CDC42BPA: variants seen among roughly 807,000 people sequenced by gnomAD.
The protein encoded by CDC42BPA is CDC42 binding protein kinase alpha.
CDC42BPA carries 80 observed loss-of-function variants against 223.5 expected under a neutral mutation model. The observed-to-expected ratio is 0.36, with a 90% CI of 0.30 to 0.43. The LOEUF is 0.43. CDC42BPA is among the 20% of genes least tolerant of loss of function. The pLI, the probability that CDC42BPA is intolerant of heterozygous loss-of-function variation, is 1.00. For missense variants in CDC42BPA, 1,743 were observed against 2,099.9 expected (o/e 0.83, Z 3.32); for synonymous variants, 694 against 718.6 (o/e 0.97, Z 0.55).
At chr1:227,256,944 T>TACAC (rs1683150227) in intron 1 of CDC42BPA, among the ~76,000 whole-genome samples, 1 of 102,714 alleles carries the variant, frequency 9.7e-6, no homozygotes, top group Non-Finnish European at 2.0e-5. Flanking sequence ...GATATATATA[T>TACAC]ACAGACACAC....
rs2148222682 is a variant in CDC42BPA at position 227,249,924 on chromosome 1, TG to T, written c.270+4139del. Among the ~76,000 whole-genome samples the T allele has an allele frequency of 1.3e-5, 2 of 152,312 alleles. 1 individual carries two copies. The highest frequency in any genetic ancestry group is 1.3e-4 in the Admixed American group (2 of 15,294). On this transcript the variant is annotated intron_variant, in intron 2 of 36. Transcript: ENST00000366766. ...GGACTGTAGTCAATAATAATTTAATTGTCCATTCTGAAATAACTAAAAGAGT... is the reference window on the plus strand; with the variant it reads ...GGACTGTAGTCAATAATAATTTAATTTCCATTCTGAAATAACTAAAAGAGT...
At chr1:227,291,671 C>T (rs1689721787) in intron 1 of CDC42BPA, among the ~76,000 whole-genome samples, 1 of 152,212 alleles carries the variant, frequency 6.6e-6, no homozygotes, top group African/African-American at 2.4e-5. Flanking sequence ...GTCTACCCCA[C>T]TTTTGCTCTT....
chr1:227,140,235 C>T (rs1204684800), intron 9 of CDC42BPA, among the ~76,000 whole-genome samples: 1 of 151,742 alleles, frequency 6.6e-6, no homozygotes, highest in Non-Finnish European at 1.5e-5. Context: ...AAATCCTTGC[C>T]CATATAGAGC....
chr1:227,269,230 T>C (rs1685576085), intron 1 of CDC42BPA, among the ~76,000 whole-genome samples: 1 of 152,232 alleles, frequency 6.6e-6, no homozygotes, highest in African/African-American at 2.4e-5. Flanking sequence ...AGATTTGTCT[T>C]GTGTGTCAGT....
At chr1:227,106,589 C>T (rs1449876548) in intron 14 of CDC42BPA, among the ~76,000 whole-genome samples, 2 of 152,074 alleles carry the variant, frequency 1.3e-5, no homozygotes, top group Non-Finnish European at 2.9e-5. Context: ...GTGTTTCCTC[C>T]TCTTCTATTT....
chr1:227,233,028 C>A lies in CDC42BPA; in HGVS notation c.271-19809G>T, dbSNP rs753668047. Among the ~76,000 whole-genome samples the A allele has an allele frequency of 7.2e-5, 11 of 152,272 alleles. 2 individuals are homozygous for A. The highest frequency in any genetic ancestry group is 6.8e-3 in the Middle Eastern group (2 of 294). On this transcript the variant is annotated intron_variant, in intron 2 of 36. Coordinates refer to ENST00000366766, the MANE Select transcript of CDC42BPA (RefSeq NM_001394014.1). ...CTCAGACTGCTGTGCTAGCAGTGAG[C>A]GAGGCTCCATGGGCGTGGGACCCTC...
chr1:227,244,496 G>GA lies in CDC42BPA; in HGVS notation c.270+9567_270+9568insT, dbSNP rs995805778. On this transcript the variant is annotated intron_variant, in intron 2 of 36. Transcript: ENST00000366766. ...CAAGGAAGTGATTATTCACATGGTG[G>GA]GGGGGGGCAATGGGAGCCTATCAGA... Among the ~76,000 whole-genome samples, 4 of 146,430 alleles carry GA rather than the reference G, an allele frequency of 2.7e-5. No homozygotes were observed. The Admixed American group carries it at 2.8e-4, about 10-fold the overall frequency.
intron 1 of CDC42BPA, among the ~76,000 whole-genome samples, chr1:227,293,143 G>T (rs1277714037): frequency 6.6e-6 from 1 of 152,056 alleles, no homozygotes; most frequent in Non-Finnish European, 1.5e-5. Flanking sequence ...TATTTATTGA[G>T]TGCCTACAAT....
intron 5 of CDC42BPA, chr1:227,193,542 T>A (rs111308730): frequency 2.5e-6 from 1 of 406,922 alleles, no homozygotes; most frequent in East Asian, 4.3e-5. Flanking sequence ...TCTATTATTC[T>A]AGGAGTGACA....
chr1:227,136,550 C>G (rs907814648), intron 10 of CDC42BPA, among the ~76,000 whole-genome samples: 2 of 152,190 alleles, frequency 1.3e-5, no homozygotes, highest in Non-Finnish European at 2.9e-5. Flanking sequence ...GAATCTCAAC[C>G]AGGATTTTCT....
chr1:227,240,741 G>C (rs1302369890), intron 2 of CDC42BPA, among the ~76,000 whole-genome samples: 2 of 151,514 alleles, frequency 1.3e-5, no homozygotes, highest in African/African-American at 4.8e-5. Flanking sequence ...ACATGAATTT[G>C]AGATGGATCA....
At chr1:227,083,032 T>G (rs1681041429) in intron 16 of CDC42BPA, among the ~76,000 whole-genome samples, 2 of 152,156 alleles carry the variant, frequency 1.3e-5, no homozygotes, top group Non-Finnish European at 1.5e-5. Context: ...GGGTCTGATT[T>G]CTATTAATTA....
At chr1:227,203,702 C>T (rs1277565409) in intron 3 of CDC42BPA, among the ~76,000 whole-genome samples, 1 of 152,144 alleles carries the variant, frequency 6.6e-6, no homozygotes, top group African/African-American at 2.4e-5. Context: ...ACCAAATGTT[C>T]ATCCAAACAT....
Position 227,193,936 on chromosome 1 carries a change from T to C in CDC42BPA, c.451-2A>G. On this transcript the variant is annotated splice_acceptor_variant, in intron 4 of 36. Coordinates refer to ENST00000366766, the MANE Select transcript of CDC42BPA (RefSeq NM_001394014.1). LOFTEE classifies it high-confidence loss of function. ...AACATAATAATCCATAACCAGGTAC[T>C]GTGAATGAAAAAAATAAAATGTACT... 6.3e-7 allele frequency: 1 copy of C among 1,596,654 alleles called. No individual in the cohort carries two copies. Among genetic ancestry groups the C allele is most frequent in the Non-Finnish European group, 8.5e-7 (1 of 1,172,922 alleles).
intron 35 of CDC42BPA, among the ~76,000 whole-genome samples, chr1:226,999,036 CA>C (rs527238781): frequency 6.6e-6 from 1 of 151,618 alleles, no homozygotes; most frequent in Admixed American, 6.6e-5. Context: ...AAGAAACATA[CA>C]AAAAAAAGCT....
chr1:227,096,220 G>T (rs1031224797), intron 15 of CDC42BPA, among the ~76,000 whole-genome samples: 20 of 152,164 alleles, frequency 1.3e-4, no homozygotes, highest in African/African-American at 4.3e-4. Flanking sequence ...TTATGTTTAG[G>T]AAGCTTTCCT....
At chr1:227,073,801 C>G (rs543163869) in intron 19 of CDC42BPA, 63 bp downstream of exon 19, 1 of 1,301,014 alleles carries the variant, frequency 7.7e-7, no homozygotes, top group African/African-American at 1.5e-5. Flanking sequence ...CATGTAACTT[C>G]TCTCCAAATA....
At chr1:227,129,252 G>A in intron 10 of CDC42BPA, 21 bp from the exon 11 acceptor site, 1 of 1,518,406 alleles carries the variant, frequency 6.6e-7, no homozygotes, top group Non-Finnish European at 8.8e-7. Flanking sequence ...AAGGATAAAA[G>A]AAATAAAAAT....
chr1:227,071,194 T>C (rs116770294), intron 20 of CDC42BPA, among the ~76,000 whole-genome samples: 2,841 of 151,986 alleles, frequency 0.019, 85 homozygotes, highest in African/African-American at 0.064. Context: ...AGCTTCTTTA[T>C]GTGATTACTC....
Sources: allele counts gnomAD v4.1 joint callset (sites outside exome capture counted in the v4.1 genomes callset), GRCh38; gene constraint gnomAD v4.1.1; transcripts MANE v1.5; gene names NCBI Gene and HGNC (gene_info 2026-07-23, HGNC 2026-07-21).